Variants in SAMD12 observed in about 807,000 individuals in gnomAD.
The protein encoded by SAMD12 is sterile alpha motif domain-containing protein 12.
A neutral mutation model predicts 15.0 loss-of-function variants in SAMD12; 9 were observed. That is an observed-to-expected ratio of 0.60 (90% CI 0.36 to 1.05). The LOEUF (loss-of-function observed/expected upper bound fraction) is 1.05. Among genes scored for constraint, SAMD12 ranks in the 50% least tolerant of loss-of-function variants. SAMD12 has a pLI of 0.01. For synonymous variants in SAMD12, 86 were observed against 90.1 expected, an observed-to-expected ratio of 0.96 and a Z score of 0.25; for missense variants, 230 against 234.2, an observed-to-expected ratio of 0.98 and a Z score of 0.12.
chr8:118,198,924 T>C (rs1819637433), intron 4 of SAMD12, among the ~76,000 whole-genome samples: 1 of 152,064 alleles, frequency 6.6e-6, no homozygotes, highest in African/African-American at 2.4e-5. Context: ...TATGCACAAA[T>C]AGGTAAACTA....
intron 4 of SAMD12, among the ~76,000 whole-genome samples, chr8:118,260,033 C>T (rs1408566336): frequency 2.0e-5 from 3 of 152,100 alleles, no homozygotes; most frequent in Non-Finnish European, 4.4e-5. Context: ...GCTGCATGCA[C>T]AGTGGTGAAC....
intron 4 of SAMD12, among the ~76,000 whole-genome samples, chr8:118,278,655 G>A (rs1021783357): frequency 2.0e-5 from 3 of 152,168 alleles, no homozygotes; most frequent in African/African-American, 7.2e-5. Flanking sequence ...AAACCAGGTT[G>A]GAGTAACATA....
chr8:118,218,604 T>A (rs1317289040), intron 4 of SAMD12, among the ~76,000 whole-genome samples: 2 of 148,520 alleles, frequency 1.3e-5, no homozygotes, highest in Non-Finnish European at 3.0e-5. Context: ...ATTCCACTTA[T>A]AAGCAAGAAC....
At chr8:118,314,630 TAGAATCATAGAGTATATA>T (rs1815792004) in intron 4 of SAMD12, among the ~76,000 whole-genome samples, 1 of 152,204 alleles carries the variant, frequency 6.6e-6, no homozygotes, top group Non-Finnish European at 1.5e-5. Context: ...GTTATGCACA[TAGAATCATAGAGTATATA>T]ACCTTTTGAA....
intron 3 of SAMD12, among the ~76,000 whole-genome samples, chr8:118,409,693 T>G (rs538880149): frequency 1.8e-4 from 27 of 151,284 alleles, no homozygotes; most frequent in African/African-American, 5.1e-4. Flanking sequence ...AGTACTGGGA[T>G]GTACTACTTA....
chr8:118,305,870 T>A (rs1388535209), intron 4 of SAMD12, among the ~76,000 whole-genome samples: 1 of 152,102 alleles, frequency 6.6e-6, no homozygotes, highest in Non-Finnish European at 1.5e-5. Context: ...ATGTGAAGCA[T>A]TGGAAGGAGG....
chr8:118,442,860 A>G (rs1204446376), intron 2 of SAMD12, among the ~76,000 whole-genome samples: 1 of 152,236 alleles, frequency 6.6e-6, no homozygotes, highest in African/African-American at 2.4e-5. Context: ...AAAGTTGCTT[A>G]TACATCAATA....
rs550616628 is a variant in SAMD12 at position 118,256,981 on chromosome 8, G to A, written c.434-59249C>T. Among the ~76,000 whole-genome samples, 5 of 151,952 alleles carry A rather than the reference G, an allele frequency of 3.3e-5. No homozygotes were observed. The East Asian group carries it at 5.8e-4, about 18-fold the overall frequency. ...CTCATTTCCTACTAGGTTACTAATC[G>A]TGAGCTCTACTTGAGCCCAAGTCAT... On this transcript the variant is annotated intron_variant, in intron 4 of 4. Coordinates refer to the SAMD12 transcript ENST00000409003.
chr8:118,432,439 T>C (rs1259169424), intron 3 of SAMD12, among the ~76,000 whole-genome samples: 1 of 152,226 alleles, frequency 6.6e-6, no homozygotes, highest in Non-Finnish European at 1.5e-5. Context: ...ACTTCATTGA[T>C]GCCAGGAAGC....
chr8:118,302,396 A>T (rs1237016241), intron 4 of SAMD12, among the ~76,000 whole-genome samples: 1 of 152,208 alleles, frequency 6.6e-6, no homozygotes, highest in Non-Finnish European at 1.5e-5. Flanking sequence ...CTTACAACAG[A>T]GCTAGATAAA....
chr8:118,340,171 GA>G (rs1817279901), intron 4 of SAMD12, among the ~76,000 whole-genome samples: 1 of 152,150 alleles, frequency 6.6e-6, no homozygotes, highest in African/African-American at 2.4e-5. Flanking sequence ...TAAATTTCTA[GA>G]ACGTTAAAAG....
At chr8:118,330,785 GGGAC>G (rs1363834065) in intron 4 of SAMD12, among the ~76,000 whole-genome samples, 1 of 152,134 alleles carries the variant, frequency 6.6e-6, no homozygotes, top group Non-Finnish European at 1.5e-5. Context: ...CTAGAAAAGT[GGGAC>G]GGACAGTGGT....
chr8:118,529,054 G>C (rs1028235555), intron 2 of SAMD12, among the ~76,000 whole-genome samples: 2 of 152,132 alleles, frequency 1.3e-5, no homozygotes, highest in Non-Finnish European at 2.9e-5. Context: ...AGAAATTGGG[G>C]GTTTCTCCAT....
chr8:118,253,232 C>G (rs763656942), intron 4 of SAMD12, among the ~76,000 whole-genome samples: 24 of 152,100 alleles, frequency 1.6e-4, no homozygotes, highest in Non-Finnish European at 5.9e-5. Context: ...ATGAGAAACT[C>G]GCAGAAAGGC....
chr8:118,417,529 C>T (rs1821759646), intron 3 of SAMD12, among the ~76,000 whole-genome samples: 1 of 152,004 alleles, frequency 6.6e-6, no homozygotes, highest in Admixed American at 6.5e-5. Context: ...GATAATTGAA[C>T]AATTAGTAGG....
intron 4 of SAMD12, among the ~76,000 whole-genome samples, chr8:118,357,264 G>A (rs1473601697): frequency 1.3e-5 from 2 of 152,086 alleles, no homozygotes; most frequent in Non-Finnish European, 1.5e-5. Flanking sequence ...TTCAGACAGG[G>A]TCTTGCTCTG....
chr8:118,448,095 A>G (rs756114435), intron 2 of SAMD12, among the ~76,000 whole-genome samples: 19 of 152,088 alleles, frequency 1.2e-4, no homozygotes, highest in Non-Finnish European at 2.1e-4. Flanking sequence ...TCTTCTTCCT[A>G]TTGCTCAAAA....
At chr8:118,371,624 G>A (rs1255334097) in intron 4 of SAMD12, among the ~76,000 whole-genome samples, 1 of 152,096 alleles carries the variant, frequency 6.6e-6, no homozygotes, top group East Asian at 1.9e-4. Flanking sequence ...TCGGGAGATG[G>A]TAGAAAAGAT....
At chr8:118,533,077 G>A (rs532337078) in intron 2 of SAMD12, among the ~76,000 whole-genome samples, 1 of 151,848 alleles carries the variant, frequency 6.6e-6, no homozygotes, top group East Asian at 1.9e-4. Context: ...TGGGCATTTA[G>A]TGCTATAAAT....
Sources: gnomAD v4.1 joint callset for allele counts (sites outside exome capture counted in the v4.1 genomes callset) on GRCh38, gnomAD v4.1.1 for gene constraint, MANE v1.5 for transcripts, NCBI Gene and HGNC (gene_info 2026-07-23, HGNC 2026-07-21) for gene names.